CLPB: variants seen among roughly 807,000 people sequenced by gnomAD.
CLPB encodes the protein ClpB family mitochondrial disaggregase.
A neutral mutation model predicts 78.4 loss-of-function variants in CLPB; 40 were observed. The observed-to-expected ratio is 0.51, with a 90% CI of 0.40 to 0.66. The LOEUF is 0.66. CLPB is among the 30% of genes least tolerant of loss of function. CLPB has a pLI of 0.00. For missense variants in CLPB, 780 were observed against 886.9 expected (o/e 0.88, Z 1.53); for synonymous variants, 333 against 348.0 (o/e 0.96, Z 0.48).
At chr11:72,399,940 C>T (rs959509759) in intron 3 of CLPB, among the ~76,000 whole-genome samples, 3 of 152,188 alleles carry the variant, frequency 2.0e-5, no homozygotes, top group African/African-American at 7.2e-5. Context: ...TCCTCCAAGA[C>T]TACTCACAGG....
chr11:72,329,223 A>G (rs1487638346), intron 6 of CLPB, among the ~76,000 whole-genome samples: 9 of 152,192 alleles, frequency 5.9e-5, no homozygotes, highest in African/African-American at 2.2e-4. Flanking sequence ...CTCAGATTCT[A>G]TACTAGGCTT....
intron 3 of CLPB, among the ~76,000 whole-genome samples, chr11:72,380,842 C>A (rs59344888): frequency 1.3e-5 from 2 of 152,260 alleles, no homozygotes; most frequent in East Asian, 3.9e-4. Flanking sequence ...GTGCTGAGGT[C>A]TGTGACCTCA....
At chr11:72,323,527 A>G (rs2135539360) in intron 6 of CLPB, among the ~76,000 whole-genome samples, 1 of 150,222 alleles carries the variant, frequency 6.7e-6, no homozygotes, top group South Asian at 2.1e-4. Flanking sequence ...AGATCACACC[A>G]CTGCACTCCA....
chr11:72,380,034 G>A (rs113499397), intron 4 of CLPB, among the ~76,000 whole-genome samples: 5 of 152,248 alleles, frequency 3.3e-5, no homozygotes, highest in African/African-American at 4.8e-5. Context: ...CTTCCTACCC[G>A]CAATTAGGTC....
intron 5 of CLPB, among the ~76,000 whole-genome samples, chr11:72,358,064 G>GA (rs1950754186): frequency 6.6e-6 from 1 of 152,218 alleles, no homozygotes; most frequent in Admixed American, 6.5e-5. Flanking sequence ...GCAGGAGTGG[G>GA]ATATGGGGAA....
At position 72,346,838 on chromosome 11, in the gene CLPB, G is replaced by A. The variant is rs149735194; in HGVS notation, c.775+12042C>T. Among the ~76,000 whole-genome samples the A allele has an allele frequency of 2.1e-3, 318 of 151,920 alleles. 2 individuals are homozygous for A. In the East Asian group the frequency reaches 0.025, roughly 12 times the overall value. ...GATAAAAATACAAAAAAATTTAGCC[G>A]GGCTTGGTGGTGGGCACCTGTAATC... On this transcript the variant is annotated intron_variant, in intron 5 of 15. Transcript: ENST00000538039.
Position 72,358,999 on chromosome 11 carries a change from G to C in CLPB, c.656C>G (p.Thr219Ser). ...CCTGTTGTTGAAGTCATCCTCTCGG[G>C]TGATCAGGACTGGGGAGACAGCAAC... is the stretch of plus-strand genomic sequence containing the variant. ...QGIHSLEVLI[T>S]REDDFNNRLN... Residue 219 changes from threonine to serine, a missense_variant, in exon 5 of 16, where the codon ACC becomes AGC. This residue lies in a region of CLPB where 417 missense variants were observed against 414.7 expected (regional missense o/e 1.01). Transcript: ENST00000538039. The C allele has an allele frequency of 6.2e-7, 1 of 1,613,580 alleles. No homozygotes were observed. Among genetic ancestry groups the C allele is most frequent in the Non-Finnish European group, 8.5e-7 (1 of 1,179,956 alleles).
chr11:72,318,164 A>G (rs930593961), intron 6 of CLPB, among the ~76,000 whole-genome samples: 15 of 152,240 alleles, frequency 9.9e-5, no homozygotes, highest in Non-Finnish European at 1.5e-4. Context: ...TCTTTGACTC[A>G]CTGCTATTTC....
intron 1 of CLPB, among the ~76,000 whole-genome samples, chr11:72,430,957 C>T (rs187562216): frequency 6.6e-6 from 1 of 152,302 alleles, no homozygotes; most frequent in East Asian, 1.9e-4. Context: ...GCTTTCCTGA[C>T]TGTAAAACAT....
At chr11:72,315,021 G>A (rs1949916723) in intron 7 of CLPB, among the ~76,000 whole-genome samples, 2 of 152,144 alleles carry the variant, frequency 1.3e-5, no homozygotes, top group South Asian at 4.1e-4. Flanking sequence ...AGGGAGGCAG[G>A]GACACCAGTG....
chr11:72,306,008 T>C (rs1245075979), intron 9 of CLPB, among the ~76,000 whole-genome samples: 1 of 152,234 alleles, frequency 6.6e-6, no homozygotes, highest in African/African-American at 2.4e-5. Context: ...TTTATGGCCC[T>C]TTCCAGAGTG....
chr11:72,319,207 C>T (rs1950002361), intron 6 of CLPB, among the ~76,000 whole-genome samples: 3 of 152,204 alleles, frequency 2.0e-5, no homozygotes, highest in African/African-American at 7.2e-5. Flanking sequence ...GGCTTTGTGC[C>T]TACCCCAGAC....
intron 4 of CLPB, among the ~76,000 whole-genome samples, chr11:72,367,033 C>T (rs1156862940): frequency 6.6e-6 from 1 of 152,172 alleles, no homozygotes; most frequent in African/African-American, 2.4e-5. Context: ...TGGGATACTA[C>T]ATGGAATACT....
intron 2 of CLPB, among the ~76,000 whole-genome samples, 184 bp from the exon 3 acceptor site, chr11:72,403,236 C>A (rs972637689): frequency 2.6e-5 from 4 of 152,182 alleles, no homozygotes; most frequent in South Asian, 2.1e-4. Context: ...GAAATAGAGG[C>A]CTTTGAGGAC....
At chr11:72,407,134 T>C (rs1488234350) in intron 2 of CLPB, among the ~76,000 whole-genome samples, 1 of 152,228 alleles carries the variant, frequency 6.6e-6, no homozygotes, top group Non-Finnish European at 1.5e-5. Context: ...CATCCTCTCC[T>C]ATGTCCCCTT....
chr11:72,339,937 G>A (rs974435067), intron 5 of CLPB, among the ~76,000 whole-genome samples: 1 of 152,248 alleles, frequency 6.6e-6, no homozygotes, highest in African/African-American at 2.4e-5. Context: ...TAAGTGTACA[G>A]TGAAACAGAA....
In CLPB at chr11:72,372,108, C is replaced by T. The variant is rs908088934; in HGVS notation, c.646+8173G>A. Among the ~76,000 whole-genome samples the T allele has an allele frequency of 5.3e-5, 8 of 152,074 alleles. No individual in the cohort carries two copies. In the East Asian group the frequency reaches 5.8e-4, roughly 11 times the overall value. On this transcript the variant is annotated intron_variant, in intron 4 of 15. Coordinates refer to ENST00000538039, the MANE Select transcript of CLPB (RefSeq NM_001258392.3). ...AGATGCGAAAATCAAGCTCAGAGAG[C>T]GAAGAAGAACTGCCAAGGTCACACA...
intron 5 of CLPB, among the ~76,000 whole-genome samples, chr11:72,341,366 T>A (rs933291422): frequency 6.6e-6 from 1 of 151,828 alleles, no homozygotes; most frequent in African/African-American, 2.4e-5. Flanking sequence ...AGGAAGAGGG[T>A]GTGTAAGGAG....
At chr11:72,398,142 T>G (rs911834559) in intron 3 of CLPB, among the ~76,000 whole-genome samples, 3 of 152,218 alleles carry the variant, frequency 2.0e-5, no homozygotes, top group Non-Finnish European at 2.9e-5. Flanking sequence ...CTGGCCATTG[T>G]TCACTGGGAA....
Sources: allele counts gnomAD v4.1 joint callset (sites outside exome capture counted in the v4.1 genomes callset), GRCh38; gene constraint gnomAD v4.1.1; regional missense constraint gnomAD v4.1.1; transcripts MANE v1.5; gene names NCBI Gene and HGNC (gene_info 2026-07-23, HGNC 2026-07-21).